The following IFT172 variants were observed in gnomAD, a reference collection of about 807,000 sequenced individuals.
IFT172 encodes intraflagellar transport 172.
IFT172 carries 164 observed loss-of-function variants against 248.9 expected under a neutral mutation model. That is an observed-to-expected ratio of 0.66 (90% CI 0.58 to 0.75). The LOEUF is 0.75. IFT172 is among the 30% of genes least tolerant of loss of function. The probability of loss-of-function intolerance (pLI) is 0.00; values close to 1 mark genes in which losing one functional copy is unlikely to be tolerated. For synonymous variants in IFT172, 729 were observed against 791.6 expected, an observed-to-expected ratio of 0.92 and a Z score of 1.33; for missense variants, 1,950 against 2,192.4, an observed-to-expected ratio of 0.89 and a Z score of 2.21.
At chr2:27,484,975 C>T (rs751648430) in intron 3 of IFT172, 43 bp downstream of exon 3, 10 of 1,140,200 alleles carry the variant, frequency 8.8e-6, no homozygotes, top group African/African-American at 6.1e-5. Context: ...CTTGCCTTCC[C>T]CTTCTTTCCT....
intron 18 of IFT172, 144 bp downstream of exon 18, chr2:27,465,267 A>G: frequency 1.5e-6 from 1 of 680,606 alleles, no homozygotes; most frequent in South Asian, 1.7e-5. Context: ...GGAATATTGT[A>G]CTGCAGAAGG....
chr2:27,463,063 G>A, intron 19 of IFT172, 34 bp downstream of exon 19: 2 of 1,602,278 alleles, frequency 1.2e-6, no homozygotes, highest in South Asian at 1.1e-5. Context: ...CAGCTTGGGA[G>A]ACAGACAGAA....
chr2:27,473,058 A>C (rs1667692525), intron 14 of IFT172, among the ~76,000 whole-genome samples: 1 of 152,090 alleles, frequency 6.6e-6, no homozygotes, highest in Admixed American at 6.5e-5. Context: ...TTAAAAAACA[A>C]TCTTCCTTTA....
intron 4 of IFT172, 107 bp from the exon 5 acceptor site, chr2:27,484,044 G>A (rs1668574746): frequency 7.8e-7 from 1 of 1,279,552 alleles, no homozygotes; most frequent in Non-Finnish European, 1.1e-6. Context: ...CTCCTATAGG[G>A]AAGGACACAG....
chr2:27,444,909 A>T (rs1664910454), intron 47 of IFT172, 105 bp downstream of exon 47: 1 of 1,289,658 alleles, frequency 7.8e-7, no homozygotes, highest in East Asian at 2.4e-5. Flanking sequence ...TTGGCCTCCC[A>T]AAGTGCTGGG....
chr2:27,471,038 AG>A lies in IFT172; in HGVS notation c.1581del (p.Tyr528IlefsTer12). The part of the protein sequence containing the change: ...CSKTMILNFC[S>X]YMQWVPGSDV... ...TCACTTCCTGGGACCCACTGCATATAGGAGCAGAAGTTGAGGATCATTGTCT... is the reference window on the plus strand; with the variant it reads ...TCACTTCCTGGGACCCACTGCATATAGAGCAGAAGTTGAGGATCATTGTCT... On this transcript the variant is annotated frameshift_variant, in exon 16 of 48. Coordinates refer to ENST00000260570, the MANE Select transcript of IFT172 (RefSeq NM_015662.3). LOFTEE classifies it high-confidence loss of function. 1 of 1,613,620 alleles carries A rather than the reference AG, an allele frequency of 6.2e-7. No homozygotes were observed. The highest frequency in any genetic ancestry group is 8.5e-7 in the Non-Finnish European group (1 of 1,179,866).
At position 27,481,153 on chromosome 2, in the gene IFT172, A is replaced by G. The variant is rs1390041770; in HGVS notation, c.678T>C (p.Gly226=). 2 of 1,613,668 alleles carry G rather than the reference A, an allele frequency of 1.2e-6. No homozygotes were observed. Among genetic ancestry groups the G allele is most frequent in the East Asian group, 4.5e-5 (2 of 44,872 alleles). ...DRKIVAYGKE[G]HMLQTFDYSR... is the part of the protein sequence containing the mutation. ...TATAATCAAAAGTTTGTAGCATGTG[A>G]CCTTCTTTTCCATAGGCTACAATTT... The change falls in exon 8 of 48, where the codon GGT becomes GGC. Residue 226 remains glycine (G), a synonymous_variant. Transcript: ENST00000260570.
chr2:27,471,249 T>C (rs1667549744), intron 15 of IFT172, 154 bp from the exon 16 acceptor site: 1 of 647,522 alleles, frequency 1.5e-6, no homozygotes, highest in Non-Finnish European at 2.6e-6. Flanking sequence ...TCTGCTGAGC[T>C]GGTATATCCT....
chr2:27,484,752 G>C (rs1031951773), intron 3 of IFT172, among the ~76,000 whole-genome samples: 5 of 152,096 alleles, frequency 3.3e-5, no homozygotes, highest in African/African-American at 9.7e-5. Context: ...AGCAGCTTCA[G>C]AACAATAACA....
In IFT172 at chr2:27,480,031, A is replaced by G. The variant is rs1279146828; in HGVS notation, c.904T>C (p.Cys302Arg). The G allele has an allele frequency of 6.2e-7, 1 of 1,613,618 alleles. No homozygotes were observed. The highest frequency in any genetic ancestry group is 8.5e-7 in the Non-Finnish European group (1 of 1,179,738). Residue 302 changes from cysteine to arginine, a missense_variant, in exon 9 of 48, where the codon TGT becomes CGT. Cys to Arg is a radical substitution (Grantham distance 180). Coordinates refer to ENST00000260570, the MANE Select transcript of IFT172 (RefSeq NM_015662.3). The part of the protein sequence containing the change: ...LAWKRDGSRL[C>R]VGTLCGGVEQ... ...AGGGATTACTAGTAACACACCACAC[A>G]GAGCCGTGAGCCATCCCGCTTCCAG...
chr2:27,445,827 G>A lies in IFT172; in HGVS notation c.4832C>T (p.Thr1611Ile). 6.2e-7 allele frequency: 1 copy of A among 1,614,164 alleles called. No individual in the cohort carries two copies. Residue 1611 changes from threonine to isoleucine, a missense_variant, in exon 45 of 48, where the codon ACT becomes ATT. Thr to Ile is a moderately conservative substitution (Grantham distance 89). Coordinates refer to ENST00000260570, the MANE Select transcript of IFT172 (RefSeq NM_015662.3). This position sits in a 1 kb window ranked among gnomAD's most constrained non-coding sequence, Gnocchi z 4.4. ...ATCAGAGTGGTCAAGGCCATCTAGA[G>A]TCCCTTCCTCGATTGCCTGCAGTAG... is the stretch of plus-strand genomic sequence containing the variant. ...LDLTDAIEEG[T>I]LDGLDHSDFQ...
intron 42 of IFT172, 43 bp downstream of exon 42, chr2:27,447,472 G>A: frequency 1.9e-6 from 3 of 1,602,816 alleles, no homozygotes; most frequent in Non-Finnish European, 1.7e-6. Context: ...ATTTGCAGAT[G>A]AGCCCTTCTG....
chr2:27,455,219 A>T, intron 30 of IFT172: 1 of 328,438 alleles, frequency 3.0e-6, no homozygotes, highest in East Asian at 9.0e-5. Context: ...AAAGAGAGGC[A>T]AACGGCAGGT....
chr2:27,445,922 T>G lies in IFT172; in HGVS notation c.4815+7A>C. On this transcript the variant is annotated splice_region_variant and intron_variant, in intron 44 of 47. Coordinates refer to ENST00000260570, the MANE Select transcript of IFT172 (RefSeq NM_015662.3). The surrounding 1 kb of genome is among the most constrained non-coding windows in gnomAD (Gnocchi z 4.4). ...CTCCACCCTCGGGGCACAGCTTCCC[T>G]ACTCACATCGGTCAGGTCCAAAAAG... The G allele has an allele frequency of 6.2e-7, 1 of 1,614,236 alleles. No individual in the cohort carries two copies. The highest frequency in any genetic ancestry group is 8.5e-7 in the Non-Finnish European group (1 of 1,180,038).
At chr2:27,469,910 G>A (rs554810750) in intron 16 of IFT172, among the ~76,000 whole-genome samples, 10 of 152,280 alleles carry the variant, frequency 6.6e-5, no homozygotes, top group Admixed American at 4.6e-4. Flanking sequence ...TGACAAAGGG[G>A]AGGAGATGAA....
chr2:27,477,474 T>C (rs767836072), intron 12 of IFT172, 85 bp downstream of exon 12: 6 of 1,240,764 alleles, frequency 4.8e-6, no homozygotes, highest in South Asian at 4.8e-5. Flanking sequence ...GCTGTTTCCC[T>C]ATCCCTTGCA....
At chr2:27,463,991 G>A (rs761553408) in intron 18 of IFT172, among the ~76,000 whole-genome samples, 4 of 152,190 alleles carry the variant, frequency 2.6e-5, no homozygotes, top group Non-Finnish European at 5.9e-5. Context: ...TTCCAGTCAT[G>A]AAAATGACAC....
At position 27,454,789 on chromosome 2, in the gene IFT172, G is replaced by A. The variant is rs1165824642; in HGVS notation, c.3372-129C>T. ...CAGATTTAAGGATAACAAATATGAA[G>A]TGACAGAAAAGCGTGGAGAGATAAA... On this transcript the variant is annotated intron_variant, in intron 30 of 47. Coordinates refer to ENST00000260570, the MANE Select transcript of IFT172 (RefSeq NM_015662.3). The surrounding 1 kb of genome is among the most constrained non-coding windows in gnomAD (Gnocchi z 4.2). 2 of 785,870 alleles carry A rather than the reference G, an allele frequency of 2.5e-6. No homozygotes were observed. Among genetic ancestry groups the A allele is most frequent in the Non-Finnish European group, 4.2e-6 (2 of 477,370 alleles). The allele number at this position is 785,870 out of a possible 1,614,324, so 48.7% of individuals were successfully genotyped here.
intron 42 of IFT172, among the ~76,000 whole-genome samples, chr2:27,447,100 C>T (rs951106422): frequency 1.3e-5 from 2 of 152,216 alleles, no homozygotes; most frequent in Non-Finnish European, 2.9e-5. Context: ...GCCTCGGCCT[C>T]CCAAAGTGCT....
Sources: allele counts gnomAD v4.1 joint callset (sites outside exome capture counted in the v4.1 genomes callset), GRCh38; gene constraint gnomAD v4.1.1; non-coding constraint Gnocchi (gnomAD v3.1); transcripts MANE v1.5; gene names NCBI Gene and HGNC (gene_info 2026-07-23, HGNC 2026-07-21).